SLC7A14: variants seen among roughly 807,000 people sequenced by gnomAD.
The protein encoded by SLC7A14 is gamma-aminobutyric acid transporter SLC7A14.
A neutral mutation model predicts 60.2 loss-of-function variants in SLC7A14; 37 were observed. The observed-to-expected ratio is 0.61, with a 90% CI of 0.47 to 0.81. The LOEUF (loss-of-function observed/expected upper bound fraction) is 0.81, where lower values mean the gene tolerates loss of function less well. Among genes scored for constraint, SLC7A14 ranks in the 30% least tolerant of loss-of-function variants. SLC7A14 has a pLI of 0.00. For missense variants in SLC7A14, 886 were observed against 982.7 expected, an observed-to-expected ratio of 0.90 and a Z score of 1.32; for synonymous variants, 399 against 395.8, an observed-to-expected ratio of 1.01 and a Z score of -0.10.
chr3:170,499,018 C>G lies in SLC7A14; in HGVS notation c.542-134G>C. On this transcript the variant is annotated intron_variant, in intron 3 of 7. Coordinates refer to ENST00000231706, the MANE Select transcript of SLC7A14 (RefSeq NM_020949.3). ...CTGGGAGGCCGAGGCAGGCAGATCA[C>G]GAGGTCAGGAGATTGAGACCATCCT... 7 of 734,986 alleles carry G rather than the reference C, an allele frequency of 9.5e-6. No individual in the cohort carries two copies. In the South Asian group the frequency reaches 1.3e-4, roughly 13 times the overall value. The allele number at this position is 734,986 out of a possible 1,614,324, so 45.5% of individuals were successfully genotyped here. A position where few individuals can be genotyped will look rare whatever the true frequency, so the allele number is the denominator to read the frequency against.
At chr3:170,546,857 A>ACATG (rs1322784096) in intron 1 of SLC7A14, among the ~76,000 whole-genome samples, 3 of 152,274 alleles carry the variant, frequency 2.0e-5, no homozygotes, top group African/African-American at 7.2e-5. Flanking sequence ...GAACAACATC[A>ACATG]CATGCAGGTA....
intron 1 of SLC7A14, among the ~76,000 whole-genome samples, chr3:170,577,443 C>A (rs933510932): frequency 6.6e-6 from 1 of 151,236 alleles, no homozygotes; most frequent in Non-Finnish European, 1.5e-5. Flanking sequence ...AAGGTGAAAC[C>A]CCGTCTCTAC....
chr3:170,545,421 A>C (rs1485933699), intron 1 of SLC7A14, among the ~76,000 whole-genome samples: 1 of 152,236 alleles, frequency 6.6e-6, no homozygotes, highest in East Asian at 1.9e-4. Context: ...ATGTAGTAAC[A>C]GGAGAACAGT....
intron 4 of SLC7A14, among the ~76,000 whole-genome samples, chr3:170,487,724 G>A (rs151147352): frequency 2.3e-3 from 343 of 152,324 alleles, no homozygotes; most frequent in Non-Finnish European, 3.7e-3. Context: ...CTCTCAGCTA[G>A]GATTCTAATG....
intron 7 of SLC7A14, among the ~76,000 whole-genome samples, chr3:170,470,097 A>G (rs1244263618): frequency 6.6e-6 from 1 of 152,186 alleles, no homozygotes; most frequent in African/African-American, 2.4e-5. Context: ...AGAAGAAGAA[A>G]CAGAGGCTGG....
At chr3:170,544,605 T>G (rs1714124202) in intron 1 of SLC7A14, among the ~76,000 whole-genome samples, 1 of 152,252 alleles carries the variant, frequency 6.6e-6, no homozygotes, top group African/African-American at 2.4e-5. Context: ...AGTACATGAC[T>G]GACTGGGACC....
At chr3:170,514,127 C>T (rs1406147799) in intron 2 of SLC7A14, among the ~76,000 whole-genome samples, 2 of 152,214 alleles carry the variant, frequency 1.3e-5, no homozygotes, top group African/African-American at 2.4e-5. Context: ...TTTTGATTCC[C>T]TGGGGTGGCC....
At chr3:170,541,005 A>G (rs577537693) in intron 1 of SLC7A14, among the ~76,000 whole-genome samples, 1 of 152,360 alleles carries the variant, frequency 6.6e-6, no homozygotes, top group Admixed American at 6.5e-5. Context: ...TCACTTATTG[A>G]CATGGCAAAG....
intron 4 of SLC7A14, among the ~76,000 whole-genome samples, chr3:170,487,120 G>A (rs9828037): frequency 0.1 from 14,365 of 141,182 alleles, 1,104 homozygotes; most frequent in African/African-American, 0.21. Context: ...AGTTGGGCAC[G>A]AGGCAGGAGG....
chr3:170,523,734 G>A (rs1713408183), intron 2 of SLC7A14, among the ~76,000 whole-genome samples: 1 of 152,166 alleles, frequency 6.6e-6, no homozygotes, highest in African/African-American at 2.4e-5. Flanking sequence ...TTAAAAGGAT[G>A]AAGATATAGG....
intron 1 of SLC7A14, among the ~76,000 whole-genome samples, chr3:170,541,326 T>C (rs923231569): frequency 1.3e-5 from 2 of 152,190 alleles, no homozygotes; most frequent in South Asian, 2.1e-4. Context: ...GGCCAGGTGT[T>C]ATGGTTCACA....
At chr3:170,538,276 GA>G (rs908995782) in intron 1 of SLC7A14, among the ~76,000 whole-genome samples, 16 of 152,190 alleles carry the variant, frequency 1.1e-4, no homozygotes, top group Admixed American at 2.0e-4. Flanking sequence ...GCTTATATCT[GA>G]AATTACTTTT....
intron 1 of SLC7A14, among the ~76,000 whole-genome samples, chr3:170,550,006 A>G (rs989194669): frequency 6.6e-6 from 1 of 152,258 alleles, no homozygotes; most frequent in African/African-American, 2.4e-5. Context: ...AGGGGAAAAG[A>G]GGAAGACCCT....
intron 1 of SLC7A14, among the ~76,000 whole-genome samples, chr3:170,563,418 T>G (rs1181096072): frequency 5.3e-5 from 2 of 37,414 alleles, no homozygotes; most frequent in African/African-American, 3.6e-4. Context: ...TGTTTGTTTG[T>G]TTTTTTTTTT....
At chr3:170,561,569 C>T (rs942101124) in intron 1 of SLC7A14, among the ~76,000 whole-genome samples, 2 of 152,100 alleles carry the variant, frequency 1.3e-5, no homozygotes, top group Admixed American at 1.3e-4. Context: ...CTCTGCTTAC[C>T]CCACAGGGTT....
intron 4 of SLC7A14, among the ~76,000 whole-genome samples, chr3:170,498,369 A>T (rs1414662476): frequency 2.0e-5 from 3 of 152,160 alleles, no homozygotes; most frequent in African/African-American, 7.2e-5. Flanking sequence ...ATTAAATGAG[A>T]TAGTACGTGC....
chr3:170,505,483 G>GA (rs1216058298), intron 2 of SLC7A14, among the ~76,000 whole-genome samples: 1 of 152,166 alleles, frequency 6.6e-6, no homozygotes, highest in African/African-American at 2.4e-5. Flanking sequence ...AAGTGCGTAG[G>GA]AAGGTAACCA....
intron 7 of SLC7A14, among the ~76,000 whole-genome samples, chr3:170,478,617 C>G (rs972516923): frequency 2.0e-5 from 3 of 152,164 alleles, no homozygotes; most frequent in Admixed American, 2.0e-4. Context: ...TATATCTTAA[C>G]TTATAGGGCC....
intron 7 of SLC7A14, among the ~76,000 whole-genome samples, chr3:170,470,307 CAT>C (rs1491409522): frequency 1.0e-4 from 4 of 39,954 alleles, no homozygotes; most frequent in Non-Finnish European, 1.1e-4. Context: ...CTGGAAGGAA[CAT>C]GTGTGTGTGT....
Sources: allele counts gnomAD v4.1 joint callset (sites outside exome capture counted in the v4.1 genomes callset), GRCh38; gene constraint gnomAD v4.1.1; transcripts MANE v1.5; gene names NCBI Gene and HGNC (gene_info 2026-07-23, HGNC 2026-07-21).